RAB6A: variants seen among roughly 807,000 people sequenced by gnomAD.
RAB6A encodes RAB6A, member RAS oncogene family.
In RAB6A, 8 loss-of-function variants were observed where a neutral mutation model predicts 32.3. The ratio of observed to expected loss-of-function variants is 0.25; its 90% CI spans 0.15 to 0.45. RAB6A has a LOEUF of 0.45. Ranked by LOEUF, RAB6A falls within the 20% of genes least tolerant of loss-of-function variation. The probability of loss-of-function intolerance (pLI) is 1.00; values close to 1 mark genes in which losing one functional copy is unlikely to be tolerated. For missense variants in RAB6A, 104 were observed against 249.4 expected (o/e 0.42, Z 3.93); for synonymous variants, 73 against 82.1 (o/e 0.89, Z 0.60).
intron 6 of RAB6A, among the ~76,000 whole-genome samples, chr11:73,698,557 T>C (rs911060530): frequency 1.1e-4 from 17 of 152,178 alleles, no homozygotes; most frequent in African/African-American, 3.9e-4. Context: ...ATTTCTACGC[T>C]TCAGATTTTC....
In RAB6A at chr11:73,757,129, A is replaced by ATT. The variant is rs869261713; in HGVS notation, c.70+3435_70+3436dup. Among the ~76,000 whole-genome samples, 31 of 30,354 alleles carry ATT rather than the reference A, an allele frequency of 1.0e-3. 1 individual carries two copies. Among genetic ancestry groups the ATT allele is most frequent in the African/African-American group, 1.5e-3 (8 of 5,308 alleles). 19.9% of individuals were successfully genotyped at this position (30,354 alleles called of 152,430 possible). On this transcript the variant is annotated intron_variant, in intron 1 of 7. Coordinates refer to ENST00000336083, the MANE Select transcript of RAB6A (RefSeq NM_198896.2). ...TATATATATATATATATATATATATATTTTTTTTTTTTTTTTTTTTTTTTT... is the reference window on the plus strand; with the variant it reads ...TATATATATATATATATATATATATATTTTTTTTTTTTTTTTTTTTTTTTTTT...
In RAB6A at chr11:73,751,316, G is replaced by A. The variant is rs528871221; in HGVS notation, c.70+9250C>T. ...AAACAAACCAACTAACCAACCCTAAGCAAGTATTAAGTGTTGGTTCTCGGA... is the reference window on the plus strand; with the variant it reads ...AAACAAACCAACTAACCAACCCTAAACAAGTATTAAGTGTTGGTTCTCGGA... On this transcript the variant is annotated intron_variant, in intron 1 of 7. Coordinates refer to ENST00000336083, the MANE Select transcript of RAB6A (RefSeq NM_198896.2). Among the ~76,000 whole-genome samples the A allele has an allele frequency of 1.3e-3, 199 of 152,180 alleles. 1 individual carries two copies. Among genetic ancestry groups the A allele is most frequent in the African/African-American group, 4.6e-3 (190 of 41,506 alleles).
intron 4 of RAB6A, 117 bp from the exon 5 acceptor site, chr11:73,716,479 C>G (rs1454011370): frequency 2.9e-5 from 18 of 616,930 alleles, no homozygotes; most frequent in Non-Finnish European, 4.9e-5. Context: ...CATTAGTACC[C>G]CACTTTTAAT....
intron 1 of RAB6A, among the ~76,000 whole-genome samples, chr11:73,737,782 C>A (rs188073609): frequency 1.3e-5 from 2 of 152,120 alleles, no homozygotes; most frequent in East Asian, 3.9e-4. Flanking sequence ...ATCATGAGGT[C>A]AGGAGTTCAA....
rs1228538820 is a variant in RAB6A at position 73,727,482 on chromosome 11, C to T, written c.129+3283G>A. ...CCCAAAAAAGAATGGAGTCACCATC[C>T]ATAGGGATTATGATTCTCACTTTAC... On this transcript the variant is annotated intron_variant, in intron 2 of 7. Transcript: ENST00000336083. Among the ~76,000 whole-genome samples, 3 of 151,598 alleles carry T rather than the reference C, an allele frequency of 2.0e-5. No individual in the cohort carries two copies. In the East Asian group the frequency reaches 5.8e-4, roughly 29 times the overall value.
Position 73,677,959 on chromosome 11 carries a change from A to G in RAB6A, c.566T>C (p.Ile189Thr), listed in dbSNP as rs2134855114. The change falls in exon 8 of 8, where the codon ATT becomes ACT. Residue 189 changes from isoleucine (I) to threonine (T), a missense_variant. By Grantham distance (89) the Ile-to-Thr change is moderately conservative. Transcript: ENST00000336083. ...STQDRSREDMIDIKLEKPQEQ... is the reference protein window; with the variant it reads ...STQDRSREDMTDIKLEKPQEQ... ...CTGAGGCTTTTCCAGTTTTATGTCAATCACTGAAACAAAAGTTAAGAAGCC... is the reference window on the plus strand; with the variant it reads ...CTGAGGCTTTTCCAGTTTTATGTCAGTCACTGAAACAAAAGTTAAGAAGCC... The G allele has an allele frequency of 6.2e-7, 1 of 1,614,202 alleles. No homozygotes were observed. The highest frequency in any genetic ancestry group is 8.5e-7 in the Non-Finnish European group (1 of 1,180,006).
At chr11:73,685,216 T>C (rs1386186080) in intron 6 of RAB6A, among the ~76,000 whole-genome samples, 3 of 152,122 alleles carry the variant, frequency 2.0e-5, no homozygotes, top group Non-Finnish European at 2.9e-5. Flanking sequence ...CTTGCCTGAT[T>C]AGATTATTGT....
chr11:73,735,660 CTTTA>C (rs1486183367), intron 1 of RAB6A, among the ~76,000 whole-genome samples: 2 of 152,044 alleles, frequency 1.3e-5, no homozygotes, highest in Non-Finnish European at 2.9e-5. Flanking sequence ...ACTTAGGAAG[CTTTA>C]TTTATTTTTC....
At chr11:73,679,454 TAAC>T (rs1419163293) in intron 7 of RAB6A, among the ~76,000 whole-genome samples, 197 bp downstream of exon 7, 1 of 152,134 alleles carries the variant, frequency 6.6e-6, no homozygotes, top group Non-Finnish European at 1.5e-5. Flanking sequence ...TCTCACTGAT[TAAC>T]AACGAGAAGC....
chr11:73,722,343 ATTTTTTTTTTTTTT>A (rs537309131), intron 2 of RAB6A: 3 of 15,364 alleles, frequency 2.0e-4, no homozygotes, highest in Non-Finnish European at 3.3e-4. Context: ...ATATATATAT[ATTTTTTTTTTTTTT>A]TTTTTTTTTT....
intron 1 of RAB6A, among the ~76,000 whole-genome samples, chr11:73,737,230 T>A (rs1590878407): frequency 2.0e-5 from 3 of 152,134 alleles, no homozygotes; most frequent in Admixed American, 2.0e-4. Context: ...GGCTCGTGTA[T>A]GTAATCCCAT....
At chr11:73,703,745 A>G (rs1945785650) in intron 6 of RAB6A, among the ~76,000 whole-genome samples, 1 of 151,026 alleles carries the variant, frequency 6.6e-6, no homozygotes, top group Admixed American at 6.6e-5. Context: ...TCTAAAAAAA[A>G]CCCAAAACAA....
At chr11:73,736,568 G>A (rs962620038) in intron 1 of RAB6A, among the ~76,000 whole-genome samples, 1 of 151,968 alleles carries the variant, frequency 6.6e-6, no homozygotes, top group Non-Finnish European at 1.5e-5. Context: ...AAGGTGGGTA[G>A]ATCACCTGAG....
At chr11:73,749,978 T>C (rs1012270566) in intron 1 of RAB6A, among the ~76,000 whole-genome samples, 3 of 152,094 alleles carry the variant, frequency 2.0e-5, no homozygotes, top group South Asian at 2.1e-4. Context: ...CTGGGCAACA[T>C]AGTGAGATCT....
At chr11:73,734,092 GT>G (rs2134979206) in intron 1 of RAB6A, among the ~76,000 whole-genome samples, 1 of 152,194 alleles carries the variant, frequency 6.6e-6, no homozygotes, top group African/African-American at 2.4e-5. Context: ...AAAAACTCCA[GT>G]TTAATAACGG....
At chr11:73,749,226 T>A (rs1353754270) in intron 1 of RAB6A, among the ~76,000 whole-genome samples, 1 of 151,696 alleles carries the variant, frequency 6.6e-6, no homozygotes, top group African/African-American at 2.4e-5. Context: ...TTGGACGGAG[T>A]TGGAGACCAT....
intron 5 of RAB6A, among the ~76,000 whole-genome samples, chr11:73,714,209 A>ATGTGT (rs1555059762): frequency 1.7e-5 from 1 of 57,578 alleles, no homozygotes; most frequent in African/African-American, 6.2e-5. Context: ...AAAAAAAAAA[A>ATGTGT]ATATATATAT....
Position 73,718,635 on chromosome 11 carries a change from T to G in RAB6A, c.267A>C (p.Ala89=). 1.9e-6 allele frequency: 3 copies of G among 1,613,684 alleles called. No homozygotes were observed. The highest frequency in any genetic ancestry group is 1.7e-6 in the Non-Finnish European group (2 of 1,179,824). ...CACTTGTGATATCATAAACAACAAC[T>G]GCCACAGTGGAGTCACGAATGTAGC... ...IPSYIRDSTV[A]VVVYDITNVN... is the part of the protein sequence containing the mutation. The change falls in exon 4 of 8, where the codon GCA becomes GCC. Residue 89 remains alanine (A), a synonymous_variant. Coordinates refer to ENST00000336083, the MANE Select transcript of RAB6A (RefSeq NM_198896.2).
chr11:73,700,285 A>C (rs1017621304), intron 6 of RAB6A, among the ~76,000 whole-genome samples: 2 of 152,174 alleles, frequency 1.3e-5, no homozygotes, highest in African/African-American at 4.8e-5. Flanking sequence ...TTCAAAAACA[A>C]AGTAATACTT....
Sources: allele counts gnomAD v4.1 joint callset (sites outside exome capture counted in the v4.1 genomes callset), GRCh38; gene constraint gnomAD v4.1.1; transcripts MANE v1.5; gene names NCBI Gene and HGNC (gene_info 2026-07-23, HGNC 2026-07-21).